CIMAP3: variants seen among roughly 807,000 people sequenced by gnomAD.
CIMAP3 encodes ciliary microtubule-associated protein 3.
chr1:111,346,859 A>G, the CIMAP3 span: 4 of 1,601,860 alleles, frequency 2.5e-6, no homozygotes, highest in East Asian at 8.9e-5. Flanking sequence ...GAACGCGCTC[A>G]CGTAGACCCA....
chr1:111,336,638 C>A, the CIMAP3 span, among the ~76,000 whole-genome samples: 6 of 151,812 alleles, frequency 4.0e-5, no homozygotes, highest in African/African-American at 9.7e-5. Flanking sequence ...TGAGAAGGGA[C>A]GTTTAGAGAA....
the CIMAP3 span, among the ~76,000 whole-genome samples, chr1:111,335,516 T>C: frequency 6.6e-6 from 1 of 152,190 alleles, no homozygotes; most frequent in Non-Finnish European, 1.5e-5. Context: ...GCTTTTCCGA[T>C]GGGCTTAAAA....
the CIMAP3 span, among the ~76,000 whole-genome samples, chr1:111,329,556 T>TATATA: frequency 5.2e-5 from 6 of 115,646 alleles, no homozygotes; most frequent in Admixed American, 4.2e-4. Context: ...TATATATATA[T>TATATA]ATAATTTTTT....
chr1:111,334,362 C>T, the CIMAP3 span, among the ~76,000 whole-genome samples: 2 of 152,154 alleles, frequency 1.3e-5, no homozygotes, highest in South Asian at 2.1e-4. Context: ...TAGGGCACCA[C>T]CTGGAGCTCA....
chr1:111,332,988 T>A, the CIMAP3 span, among the ~76,000 whole-genome samples: 1 of 152,174 alleles, frequency 6.6e-6, no homozygotes, highest in Non-Finnish European at 1.5e-5. Context: ...ACAGGGGCAC[T>A]GGACAGGACA....
At chr1:111,340,212 G>A in the CIMAP3 span, among the ~76,000 whole-genome samples, 2 of 151,768 alleles carry the variant, frequency 1.3e-5, no homozygotes, top group Non-Finnish European at 2.9e-5. Flanking sequence ...AATTCAAGAT[G>A]GATTAAAGAC....
the CIMAP3 span, chr1:111,349,729 T>C: frequency 6.1e-6 from 1 of 163,070 alleles, no homozygotes. Context: ...GCAGATAGAT[T>C]ATCACTGCAC....
At chr1:111,335,127 C>CAAAAAAAAAAAAAAAAA in the CIMAP3 span, among the ~76,000 whole-genome samples, 1 of 29,334 alleles carries the variant, frequency 3.4e-5, no homozygotes, top group Non-Finnish European at 6.1e-5. Flanking sequence ...GTCTCTGTCT[C>CAAAAAAAAAAAAAAAAA]AAAAAAAAAA....
At chr1:111,332,584 G>A in the CIMAP3 span, among the ~76,000 whole-genome samples, 6 of 152,154 alleles carry the variant, frequency 3.9e-5, no homozygotes, top group Non-Finnish European at 8.8e-5. Flanking sequence ...TTTGCTTGAG[G>A]TGATCTGTGG....
chr1:111,339,725 A>T, the CIMAP3 span, among the ~76,000 whole-genome samples: 1 of 151,978 alleles, frequency 6.6e-6, no homozygotes, highest in African/African-American at 2.4e-5. Context: ...CAACTGGAAG[A>T]ACATTCCATG....
At chr1:111,327,705 TC>T in the CIMAP3 span, among the ~76,000 whole-genome samples, 14 of 152,054 alleles carry the variant, frequency 9.2e-5, no homozygotes, top group Non-Finnish European at 1.9e-4. Flanking sequence ...GTTGTAACAT[TC>T]CCTTATCATT....
At chr1:111,344,664 C>A in the CIMAP3 span, among the ~76,000 whole-genome samples, 4 of 152,204 alleles carry the variant, frequency 2.6e-5, no homozygotes, top group Non-Finnish European at 5.9e-5. Flanking sequence ...TGGATTACCA[C>A]ATTTTCAAGA....
At chr1:111,348,495 T>G in the CIMAP3 span, 1 of 1,584,188 alleles carries the variant, frequency 6.3e-7, no homozygotes, top group Non-Finnish European at 8.6e-7. Context: ...TGTAACATAA[T>G]GATCTTTTTC....
the CIMAP3 span, chr1:111,346,383 A>G: frequency 9.2e-6 from 4 of 433,514 alleles, no homozygotes; most frequent in Non-Finnish European, 1.7e-5. Flanking sequence ...TTCCAAAGCT[A>G]TTTGCCGCCC....
chr1:111,351,172 T>TG, the CIMAP3 span: 3 of 675,094 alleles, frequency 4.4e-6, no homozygotes, highest in Non-Finnish European at 6.5e-6. Flanking sequence ...TACAGTTTTT[T>TG]TTTTTTTTTT....
At chr1:111,330,654 T>G in the CIMAP3 span, among the ~76,000 whole-genome samples, 3 of 152,236 alleles carry the variant, frequency 2.0e-5, no homozygotes, top group East Asian at 5.8e-4. Flanking sequence ...TTGGCACTCC[T>G]GAGTTGCCCA....
the CIMAP3 span, among the ~76,000 whole-genome samples, chr1:111,336,178 A>T: frequency 6.6e-6 from 1 of 152,254 alleles, no homozygotes. Flanking sequence ...CAGAAAGGAC[A>T]TCCACACCAA....
chr1:111,334,983 C>T, the CIMAP3 span, among the ~76,000 whole-genome samples: 1 of 151,854 alleles, frequency 6.6e-6, no homozygotes, highest in Non-Finnish European at 1.5e-5. Flanking sequence ...CAAAAATTAG[C>T]TGGGCGTGGT....
the CIMAP3 span, among the ~76,000 whole-genome samples, chr1:111,344,027 T>C: frequency 6.6e-6 from 1 of 152,244 alleles, no homozygotes; most frequent in Admixed American, 6.5e-5. Flanking sequence ...CCATGTTTAA[T>C]GACTCTGATA....
Sources: allele counts gnomAD v4.1 joint callset (sites outside exome capture counted in the v4.1 genomes callset), GRCh38; gene constraint gnomAD v4.1.1; transcripts MANE v1.5; gene names NCBI Gene and HGNC (gene_info 2026-07-23, HGNC 2026-07-21).